PRKN: variants seen among roughly 807,000 people sequenced by gnomAD.
PRKN encodes the protein E3 ubiquitin-protein ligase parkin.
Under a neutral mutation model 59.5 loss-of-function variants are expected in PRKN, and 56 were observed. The ratio of observed to expected loss-of-function variants is 0.94; its 90% CI spans 0.76 to 1.18. The LOEUF (loss-of-function observed/expected upper bound fraction) is 1.18. Among genes scored for constraint, PRKN ranks in the 50% most tolerant of loss-of-function variants. The pLI, the probability that PRKN is intolerant of heterozygous loss-of-function variation, is 0.00. For synonymous variants in PRKN, 250 were observed against 222.1 expected (o/e 1.13, Z -1.12); for missense variants, 657 against 596.4 (o/e 1.10, Z -1.06).
intron 1 of PRKN, among the ~76,000 whole-genome samples, chr6:162,542,388 T>G (rs1192374837): frequency 6.6e-6 from 1 of 152,146 alleles, no homozygotes; most frequent in Non-Finnish European, 1.5e-5. Flanking sequence ...CAGGCAGAAT[T>G]GAGACTCTAA....
chr6:162,556,364 T>TGTGTGTGTGTGTGC lies in PRKN; in HGVS notation c.8-112892_8-112891insGCACACACACACAC, dbSNP rs1554243421. Among the ~76,000 whole-genome samples, 612 of 91,226 alleles carry TGTGTGTGTGTGTGC rather than the reference T, an allele frequency of 6.7e-3. 12 individuals are homozygous for TGTGTGTGTGTGTGC. In the East Asian group the frequency reaches 0.1, roughly 15 times the overall value. 59.8% of individuals were successfully genotyped at this position (91,226 alleles called of 152,430 possible). A position where few individuals can be genotyped will look rare whatever the true frequency, so the allele number is the denominator to read the frequency against. On this transcript the variant is annotated intron_variant, in intron 1 of 11. Transcript: ENST00000366898. The stretch of plus-strand genomic sequence containing the variant: ...GCTGGTGTGTGTGTGTGTGTGTGTG[T>TGTGTGTGTGTGTGC]GTGTGTGTGTGTGTGTGTGTGTGTG...
At chr6:162,383,328 C>T (rs1261975079) in intron 2 of PRKN, among the ~76,000 whole-genome samples, 6 of 152,164 alleles carry the variant, frequency 3.9e-5, no homozygotes, top group East Asian at 3.9e-4. Context: ...TCATGGGCTA[C>T]AGAATGACCG....
At chr6:162,326,530 T>C (rs1344634232) in intron 2 of PRKN, among the ~76,000 whole-genome samples, 1 of 152,170 alleles carries the variant, frequency 6.6e-6, no homozygotes, top group African/African-American at 2.4e-5. Context: ...CTGGGGTCTC[T>C]GGTACTAATA....
At position 161,401,640 on chromosome 6, in the gene PRKN, G is replaced by C. The variant is rs528273665; in HGVS notation, c.1084-14763C>G. Among the ~76,000 whole-genome samples, 2 of 151,890 alleles carry C rather than the reference G, an allele frequency of 1.3e-5. No individual in the cohort carries two copies. The highest frequency in any genetic ancestry group is 3.9e-4 in the East Asian group (2 of 5,170). Reference sequence around the variant, plus strand: ...ACTCCCCACCAAAAAAAAAAAATTAGAGTACTGATCTGGATTTCACCCTTG... The same window carrying C: ...ACTCCCCACCAAAAAAAAAAAATTACAGTACTGATCTGGATTTCACCCTTG... On this transcript the variant is annotated intron_variant, in intron 9 of 11. Coordinates refer to ENST00000366898, the MANE Select transcript of PRKN (RefSeq NM_004562.3). This position sits in a 1 kb window ranked among gnomAD's most constrained non-coding sequence, Gnocchi z 4.4.
chr6:162,350,517 G>A (rs1346258128), intron 2 of PRKN, among the ~76,000 whole-genome samples: 4 of 152,180 alleles, frequency 2.6e-5, no homozygotes, highest in Admixed American at 1.3e-4. Context: ...TCCAGAAACA[G>A]ACACAAACAT....
chr6:162,374,539 G>A (rs1424311054), intron 2 of PRKN, among the ~76,000 whole-genome samples: 2 of 148,180 alleles, frequency 1.3e-5, no homozygotes, highest in African/African-American at 5.2e-5. Context: ...TTATTTATTT[G>A]TTTGTTTGTT....
rs542662189 is a variant in PRKN, at chr6:162,189,365, T to A, written c.534+11766A>T. Among the ~76,000 whole-genome samples the A allele has an allele frequency of 1.3e-5, 2 of 151,426 alleles. 1 individual carries two copies. Among genetic ancestry groups the A allele is most frequent in the South Asian group, 4.2e-4 (2 of 4,724 alleles). ...GCAAAGTTGATTCCTATTCTAATTA[T>A]CTTCTATAGGAGGGAATTGAGATTA... is the stretch of plus-strand genomic sequence containing the variant. On this transcript the variant is annotated intron_variant, in intron 4 of 11. Coordinates refer to ENST00000366898, the MANE Select transcript of PRKN (RefSeq NM_004562.3).
Position 162,164,255 on chromosome 6 carries a change from G to T in PRKN, c.534+36876C>A, listed in dbSNP as rs539485841. ...ATTTGTTTGCTTTTGTTTGGAGACG[G>T]TCTTGCTCTGTCCTCTGGAGGGCAG... On this transcript the variant is annotated intron_variant, in intron 4 of 11. Coordinates refer to ENST00000366898, the MANE Select transcript of PRKN (RefSeq NM_004562.3). Among the ~76,000 whole-genome samples, 7 of 149,228 alleles carry T rather than the reference G, an allele frequency of 4.7e-5. No individual in the cohort carries two copies. The South Asian group carries it at 1.0e-3, about 22-fold the overall frequency.
intron 1 of PRKN, among the ~76,000 whole-genome samples, chr6:162,676,140 A>T (rs1003881421): frequency 2.0e-5 from 3 of 152,214 alleles, no homozygotes; most frequent in African/African-American, 7.2e-5. Context: ...TACAAAAGAA[A>T]GTGTTCAGTT....
chr6:161,906,828 CT>C (rs1778168661), intron 6 of PRKN, among the ~76,000 whole-genome samples: 1 of 151,956 alleles, frequency 6.6e-6, no homozygotes, highest in South Asian at 2.1e-4. Context: ...AGCTGAAGAA[CT>C]TGGAGTCTGA....
In PRKN at chr6:161,448,288, C is replaced by T. The variant is rs1789584582; in HGVS notation, c.1084-61411G>A. On this transcript the variant is annotated intron_variant, in intron 9 of 11. Coordinates refer to ENST00000366898, the MANE Select transcript of PRKN (RefSeq NM_004562.3). This position sits in a 1 kb window ranked among gnomAD's most constrained non-coding sequence, Gnocchi z 5.1. Reference sequence around the variant, plus strand: ...TCTCTGAATGGCCACTCCCATGCAGCCCTTGAATGAATTACTTAACTGGAT... The same window carrying T: ...TCTCTGAATGGCCACTCCCATGCAGTCCTTGAATGAATTACTTAACTGGAT... Among the ~76,000 whole-genome samples the T allele has an allele frequency of 1.3e-5, 2 of 152,116 alleles. No homozygotes were observed. The highest frequency in any genetic ancestry group is 4.2e-4 in the South Asian group (2 of 4,818).
At chr6:162,538,169 C>T (rs13212566) in intron 1 of PRKN, among the ~76,000 whole-genome samples, 12,422 of 152,190 alleles carry the variant, frequency 0.082, 692 homozygotes, top group Middle Eastern at 0.17. Flanking sequence ...GAGGCCAAGG[C>T]GGGTGGATCA....
At chr6:162,567,027 T>G (rs1345126260) in intron 1 of PRKN, among the ~76,000 whole-genome samples, 1 of 152,180 alleles carries the variant, frequency 6.6e-6, no homozygotes, top group Non-Finnish European at 1.5e-5. Context: ...ATGATTTCAA[T>G]TGATGCTGAA....
intron 1 of PRKN, among the ~76,000 whole-genome samples, chr6:162,624,944 G>T (rs1355247193): frequency 6.6e-6 from 1 of 152,176 alleles, no homozygotes; most frequent in Non-Finnish European, 1.5e-5. Context: ...CCTAAGTGAG[G>T]AAAATACAAT....
chr6:162,055,583 A>G (rs1777822792), intron 4 of PRKN, among the ~76,000 whole-genome samples: 1 of 152,126 alleles, frequency 6.6e-6, no homozygotes, highest in Admixed American at 6.5e-5. Context: ...CAGCTGTGAC[A>G]CAGAAAGGAG....
chr6:162,704,535 C>A (rs1273056044), intron 1 of PRKN, among the ~76,000 whole-genome samples: 2 of 152,198 alleles, frequency 1.3e-5, no homozygotes, highest in Non-Finnish European at 2.9e-5. Flanking sequence ...GAATATTTCA[C>A]TGATGCCTTA....
At position 161,604,555 on chromosome 6, in the gene PRKN, A is replaced by G. The variant is rs1782211011; in HGVS notation, c.872-35139T>C. Among the ~76,000 whole-genome samples the G allele has an allele frequency of 3.9e-5, 6 of 152,322 alleles. No homozygotes were observed. In the South Asian group the frequency reaches 1.2e-3, roughly 32 times the overall value. The stretch of plus-strand genomic sequence containing the variant: ...TTCAGCTGGAGGAAGAACTTGCAGC[A>G]TGGTTGCTCAACTTCAGGCCACGGA... On this transcript the variant is annotated intron_variant, in intron 7 of 11. Transcript: ENST00000366898.
At chr6:162,461,245 T>C (rs989902380) in intron 1 of PRKN, among the ~76,000 whole-genome samples, 2 of 151,642 alleles carry the variant, frequency 1.3e-5, no homozygotes, top group Non-Finnish European at 2.9e-5. Flanking sequence ...CTCACGCCTG[T>C]AATCCCAGAA....
intron 6 of PRKN, among the ~76,000 whole-genome samples, chr6:161,797,180 C>T (rs1356862918): frequency 1.3e-5 from 2 of 152,148 alleles, no homozygotes; most frequent in African/African-American, 2.4e-5. Context: ...AATTGTGTAC[C>T]GGTTTTTCAT....
Sources: allele counts gnomAD v4.1 joint callset (sites outside exome capture counted in the v4.1 genomes callset), GRCh38; gene constraint gnomAD v4.1.1; non-coding constraint Gnocchi (gnomAD v3.1); transcripts MANE v1.5; gene names NCBI Gene and HGNC (gene_info 2026-07-23, HGNC 2026-07-21).